Variants in ZFHX3 observed in about 807,000 individuals in gnomAD.
ZFHX3 encodes the protein zinc finger homeobox 3, also known as zinc finger homeobox protein 3.
A neutral mutation model predicts 279.1 loss-of-function variants in ZFHX3; 42 were observed. That is an observed-to-expected ratio of 0.15 (90% CI 0.12 to 0.19). The LOEUF (loss-of-function observed/expected upper bound fraction) is 0.19, where lower values mean the gene tolerates loss of function less well. Ranked by LOEUF, ZFHX3 falls within the 10% of genes least tolerant of loss-of-function variation. The probability of loss-of-function intolerance (pLI) is 1.00; values close to 1 mark genes in which losing one functional copy is unlikely to be tolerated. For synonymous variants in ZFHX3, 2,293 were observed against 1,957.8 expected (o/e 1.17, Z -4.52); for missense variants, 4,981 against 4,754.0 (o/e 1.05, Z -1.40).
At chr16:73,488,885 C>T (rs796097115) in intron 2 of ZFHX3, among the ~76,000 whole-genome samples, 3 of 152,220 alleles carry the variant, frequency 2.0e-5, no homozygotes, top group African/African-American at 7.2e-5. Context: ...ATTTAGTGAC[C>T]CTGGGCAATT....
chr16:73,782,812 G>A (rs1959518783), intron 1 of ZFHX3, among the ~76,000 whole-genome samples: 1 of 152,154 alleles, frequency 6.6e-6, no homozygotes, highest in African/African-American at 2.4e-5. Context: ...ATCACTACAT[G>A]GAGCAGACCC....
chr16:73,245,468 A>G (rs889223855), intron 5 of ZFHX3, among the ~76,000 whole-genome samples: 5 of 152,158 alleles, frequency 3.3e-5, no homozygotes, highest in African/African-American at 7.2e-5. Flanking sequence ...TGTCAGGCAA[A>G]CAGCAGACAC....
upstream of ZFHX3, among the ~76,000 whole-genome samples, chr16:73,048,802 C>T (rs1965394127): frequency 6.6e-6 from 1 of 152,220 alleles, no homozygotes; most frequent in Non-Finnish European, 1.5e-5. Flanking sequence ...AAACATCCCC[C>T]TGCTCTCCGT....
chr16:72,905,143 T>A (rs1026824241), intron 3 of ZFHX3, among the ~76,000 whole-genome samples: 4 of 152,126 alleles, frequency 2.6e-5, no homozygotes, highest in African/African-American at 9.7e-5. Flanking sequence ...CCCGGCCCTT[T>A]CTTTTGTGTA....
chr16:73,815,068 C>T (rs1387405328), intron 1 of ZFHX3, among the ~76,000 whole-genome samples: 2 of 152,174 alleles, frequency 1.3e-5, no homozygotes, highest in Non-Finnish European at 2.9e-5. Context: ...TAATGTGTAA[C>T]TTACGGATGT....
At chr16:73,077,040 A>G (rs1051819839) in intron 8 of ZFHX3, among the ~76,000 whole-genome samples, 1 of 152,146 alleles carries the variant, frequency 6.6e-6, no homozygotes. Context: ...TAGGTCAGGT[A>G]ACTATTCCCC....
chr16:73,588,695 C>CAA (rs2051953529), intron 2 of ZFHX3, among the ~76,000 whole-genome samples: 1 of 85,406 alleles, frequency 1.2e-5, no homozygotes, highest in African/African-American at 6.3e-5. Flanking sequence ...GTCTCAAAAA[C>CAA]AAAAAACAAA....
At chr16:73,360,464 G>A (rs995808102) in intron 3 of ZFHX3, among the ~76,000 whole-genome samples, 6 of 152,154 alleles carry the variant, frequency 3.9e-5, no homozygotes, top group Non-Finnish European at 7.4e-5. Context: ...TCAGCCTTCC[G>A]AGTAGCTGGG....
chr16:72,858,098 G>A (rs986391768), intron 4 of ZFHX3, among the ~76,000 whole-genome samples: 3 of 152,294 alleles, frequency 2.0e-5, no homozygotes, highest in Non-Finnish European at 2.9e-5. Context: ...CGGCAGGGGT[G>A]GGCTTGCTTC....
intron 3 of ZFHX3, among the ~76,000 whole-genome samples, chr16:73,410,768 T>C (rs1303398655): frequency 6.6e-6 from 1 of 152,198 alleles, no homozygotes; most frequent in African/African-American, 2.4e-5. Context: ...TTCCTAAGAA[T>C]GAAGAATCAC....
chr16:73,860,596 AT>A (rs1228767416), intron 1 of ZFHX3, among the ~76,000 whole-genome samples: 1 of 152,216 alleles, frequency 6.6e-6, no homozygotes, highest in East Asian at 1.9e-4. Context: ...TCATGGAGCC[AT>A]TTTGGTCTTT....
At chr16:72,936,784 G>A (rs1195810418) in intron 3 of ZFHX3, among the ~76,000 whole-genome samples, 1 of 152,180 alleles carries the variant, frequency 6.6e-6, no homozygotes, top group African/African-American at 2.4e-5. Context: ...CCTTTGTGGG[G>A]TCTTTGCAAG....
rs1336827068 is a variant in ZFHX3, at chr16:73,480,240, T to A, written c.-1546-23982A>T. On this transcript the variant is annotated intron_variant, in intron 2 of 17. Coordinates refer to the ZFHX3 transcript ENST00000641206. ...ACACCCTTTTCTTTGAACTGATTGT[T>A]CAGAACTTTCATTCCACTTTGTCAG... 2.6e-5 allele frequency among the ~76,000 whole-genome samples: 4 copies of A among 152,304 alleles called. No individual in the cohort carries two copies. The East Asian group carries it at 7.7e-4, about 29-fold the overall frequency.
At chr16:73,791,255 G>A (rs1303608166) in intron 1 of ZFHX3, among the ~76,000 whole-genome samples, 5 of 151,294 alleles carry the variant, frequency 3.3e-5, no homozygotes, top group Admixed American at 6.6e-5. Context: ...ATGAGCCACC[G>A]TGCCCAGCCC....
At chr16:72,944,654 CA>C (rs1451850829) in intron 3 of ZFHX3, among the ~76,000 whole-genome samples, 2 of 151,914 alleles carry the variant, frequency 1.3e-5, no homozygotes, top group African/African-American at 4.8e-5. Flanking sequence ...TGGATTTTTC[CA>C]AATTTTTTTA....
chr16:72,911,391 G>A (rs373908541), intron 3 of ZFHX3, among the ~76,000 whole-genome samples: 4 of 152,178 alleles, frequency 2.6e-5, no homozygotes, highest in Admixed American at 1.3e-4. Context: ...TGAATGAAGC[G>A]CTCAGTGACA....
chr16:73,468,394 G>T (rs1390378183), intron 2 of ZFHX3, among the ~76,000 whole-genome samples: 1 of 152,166 alleles, frequency 6.6e-6, no homozygotes, highest in Non-Finnish European at 1.5e-5. Context: ...CCAGCTGCAA[G>T]GGAGGCTGGA....
intron 1 of ZFHX3, among the ~76,000 whole-genome samples, chr16:73,755,045 A>G (rs1174175666): frequency 6.6e-6 from 1 of 152,234 alleles, no homozygotes; most frequent in African/African-American, 2.4e-5. Flanking sequence ...TTTCTACTTT[A>G]CATACAACAT....
chr16:73,212,957 C>T (rs147422563), intron 5 of ZFHX3, among the ~76,000 whole-genome samples: 6 of 152,284 alleles, frequency 3.9e-5, no homozygotes, highest in African/African-American at 9.6e-5. Flanking sequence ...GTAAACCCTT[C>T]GAACAACGTC....
Sources: allele counts gnomAD v4.1 joint callset (sites outside exome capture counted in the v4.1 genomes callset), GRCh38; gene constraint gnomAD v4.1.1; transcripts MANE v1.5; gene names NCBI Gene and HGNC (gene_info 2026-07-23, HGNC 2026-07-21).